The following EEA1 variants were observed in gnomAD, a reference collection of about 807,000 sequenced individuals.
The protein encoded by EEA1 is early endosome antigen 1, 162kD.
In EEA1, 111 loss-of-function variants were observed where a neutral mutation model predicts 209.2. The ratio of observed to expected loss-of-function variants is 0.53; its 90% confidence interval spans 0.45 to 0.62. EEA1 has a LOEUF of 0.62. Among genes scored for constraint, EEA1 ranks in the 20% least tolerant of loss-of-function variants. The pLI is 0.00. For synonymous variants in EEA1, 536 were observed against 540.6 expected (o/e 0.99, Z 0.12); for missense variants, 1,343 against 1,530.8 (o/e 0.88, Z 2.05).
intron 10 of EEA1, among the ~76,000 whole-genome samples, chr12:92,839,551 C>T (rs1336085238): frequency 6.6e-6 from 1 of 152,114 alleles, no homozygotes; most frequent in Admixed American, 6.5e-5. Context: ...TCTACCTGTC[C>T]TATATTAAGC....
At position 92,832,834 on chromosome 12, in the gene EEA1, A is replaced by G; in HGVS notation, c.932T>C (p.Leu311Ser). 4 of 1,601,934 alleles carry G rather than the reference A, an allele frequency of 2.5e-6. No homozygotes were observed. Among genetic ancestry groups the G allele is most frequent in the Non-Finnish European group, 3.4e-6 (4 of 1,176,196 alleles). ...AGTATAGTCTTGTTCTTTTTTCAGCAAGTTTTCTGTCAAGGTCTAAAATAT... is the reference window on the plus strand; with the variant it reads ...AGTATAGTCTTGTTCTTTTTTCAGCGAGTTTTCTGTCAAGGTCTAAAATAT... ...TQKNQTLTEN[L>S]LKKEQDYTKL... The change falls in exon 11 of 29, where the codon TTG becomes TCG. Residue 311 changes from leucine to serine, a missense_variant. Physicochemically the swap from Leu to Ser is moderately radical, Grantham distance 145. This residue lies in a region of EEA1 where 1,307 missense variants were observed against 1,465.5 expected (regional missense o/e 0.89). Transcript: ENST00000322349.
intron 21 of EEA1, among the ~76,000 whole-genome samples, chr12:92,796,234 G>A (rs796740807): frequency 4.3e-4 from 65 of 152,102 alleles, no homozygotes; most frequent in African/African-American, 1.6e-3. Context: ...TTCCACATTA[G>A]ATTTTGAGCA....
At chr12:92,877,382 A>G (rs376719856) in intron 2 of EEA1, among the ~76,000 whole-genome samples, 1 of 152,140 alleles carries the variant, frequency 6.6e-6, no homozygotes, top group East Asian at 1.9e-4. Context: ...GTAACATCAG[A>G]TAAAAGGAGG....
intron 1 of EEA1, among the ~76,000 whole-genome samples, chr12:92,912,310 T>C (rs1880609521): frequency 6.6e-6 from 1 of 152,092 alleles, no homozygotes; most frequent in African/African-American, 2.4e-5. Flanking sequence ...GCCCTTGTAA[T>C]TCTCTTATGT....
At chr12:92,863,264 C>T (rs2136721916) in intron 3 of EEA1, among the ~76,000 whole-genome samples, 1 of 152,314 alleles carries the variant, frequency 6.6e-6, no homozygotes, top group South Asian at 2.1e-4. Flanking sequence ...AGTTTATCTT[C>T]AGGCCTCATG....
intron 12 of EEA1, among the ~76,000 whole-genome samples, 164 bp downstream of exon 12, chr12:92,827,748 A>G (rs759553954): frequency 4.6e-5 from 7 of 152,270 alleles, no homozygotes; most frequent in Non-Finnish European, 8.8e-5. Flanking sequence ...TACAATTACA[A>G]CAAAATGACT....
intron 2 of EEA1, among the ~76,000 whole-genome samples, chr12:92,881,150 T>C (rs902582711): frequency 6.6e-6 from 1 of 152,008 alleles, no homozygotes; most frequent in African/African-American, 2.4e-5. Context: ...ATGCCTGTAA[T>C]CCCAGCACTT....
At chr12:92,909,161 C>T (rs1366968557) in intron 1 of EEA1, among the ~76,000 whole-genome samples, 1 of 152,138 alleles carries the variant, frequency 6.6e-6, no homozygotes, top group Non-Finnish European at 1.5e-5. Context: ...GCAAAGACAA[C>T]CCAAAAGCAA....
At chr12:92,859,275 A>G (rs1438603876) in intron 3 of EEA1, 7 of 1,594,214 alleles carry the variant, frequency 4.4e-6, no homozygotes, top group South Asian at 1.1e-5. Context: ...TTAAATATTG[A>G]AAGTTTTCAT....
intron 12 of EEA1, among the ~76,000 whole-genome samples, chr12:92,827,330 G>A (rs917971757): frequency 6.6e-6 from 1 of 151,756 alleles, no homozygotes; most frequent in Non-Finnish European, 1.5e-5. Context: ...CTCCAGCCAG[G>A]GTGACAGAGT....
At chr12:92,863,689 T>C (rs766090938) in intron 3 of EEA1, among the ~76,000 whole-genome samples, 8 of 152,172 alleles carry the variant, frequency 5.3e-5, no homozygotes, top group Non-Finnish European at 1.0e-4. Flanking sequence ...CAGACAGTAA[T>C]AGATAATCAA....
intron 2 of EEA1, among the ~76,000 whole-genome samples, chr12:92,888,807 C>T (rs899787637): frequency 9.9e-5 from 15 of 151,946 alleles, no homozygotes; most frequent in Admixed American, 7.2e-4. Flanking sequence ...CAAAAATCCT[C>T]GAAACGGAAG....
At chr12:92,862,251 A>G (rs1878187736) in intron 3 of EEA1, among the ~76,000 whole-genome samples, 1 of 152,178 alleles carries the variant, frequency 6.6e-6, no homozygotes, top group Non-Finnish European at 1.5e-5. Context: ...AGCAATGAGA[A>G]GCCTGCAAAA....
chr12:92,873,501 T>G (rs1441813608), intron 2 of EEA1, among the ~76,000 whole-genome samples: 1 of 152,178 alleles, frequency 6.6e-6, no homozygotes, highest in Non-Finnish European at 1.5e-5. Context: ...GCCATGGAAT[T>G]AAGTAGCAAG....
chr12:92,822,615 T>C (rs1565822419), intron 13 of EEA1, among the ~76,000 whole-genome samples: 1 of 152,144 alleles, frequency 6.6e-6, no homozygotes. Context: ...CACTCTTCCT[T>C]GGGCTGCTCT....
rs1181564063 is a variant in EEA1, at chr12:92,798,994, T to C, written c.2865A>G (p.Gln955=). ...NTLKQNEKEE[Q]QLQGNINELK... ...GCTCATTTATGTTCCCCTGAAGTTG[T>C]TGCTCTTCTTTTTCATTTTGTTTTA... The change falls in exon 21 of 29, where the codon CAA becomes CAG. Residue 955 remains glutamine, a synonymous_variant. Coordinates refer to ENST00000322349, the MANE Select transcript of EEA1 (RefSeq NM_003566.4). 1.9e-6 allele frequency: 3 copies of C among 1,613,480 alleles called. No homozygotes were observed. Among genetic ancestry groups the C allele is most frequent in the African/African-American group, 1.3e-5 (1 of 74,920 alleles).
intron 1 of EEA1, among the ~76,000 whole-genome samples, chr12:92,894,794 T>A (rs568076323): frequency 6.6e-6 from 1 of 151,726 alleles, no homozygotes; most frequent in South Asian, 2.1e-4. Flanking sequence ...ATCCAGAAGA[T>A]CTAGCTAAGA....
chr12:92,805,442 C>T (rs1875155483), intron 18 of EEA1, among the ~76,000 whole-genome samples: 1 of 152,172 alleles, frequency 6.6e-6, no homozygotes, highest in Non-Finnish European at 1.5e-5. Flanking sequence ...CTGAAGAGGA[C>T]TTTTCTCAGG....
In EEA1 at chr12:92,891,740, G is replaced by T; in HGVS notation, c.25-19C>A. The T allele has an allele frequency of 6.4e-7, 1 of 1,562,678 alleles. No individual in the cohort carries two copies. On this transcript the variant is annotated intron_variant, in intron 1 of 28. Coordinates refer to ENST00000322349, the MANE Select transcript of EEA1 (RefSeq NM_003566.4). ...CAGGAGTCTGGAACACAAACAGTAGGGAGGAAAAAAAAACAAAGCAGACAT... is the reference window on the plus strand; with the variant it reads ...CAGGAGTCTGGAACACAAACAGTAGTGAGGAAAAAAAAACAAAGCAGACAT...
Sources: allele counts gnomAD v4.1 joint callset (sites outside exome capture counted in the v4.1 genomes callset), GRCh38; gene constraint gnomAD v4.1.1; regional missense constraint gnomAD v4.1.1; transcripts MANE v1.5; gene names NCBI Gene and HGNC (gene_info 2026-07-23, HGNC 2026-07-21).